ZNF407: variants seen among roughly 807,000 people sequenced by gnomAD.
ZNF407 encodes zinc finger protein 407.
ZNF407 carries 17 observed loss-of-function variants against 131.2 expected under a neutral mutation model. That is an observed-to-expected ratio of 0.13 (90% CI 0.09 to 0.19). ZNF407 has a LOEUF of 0.19. Ranked by LOEUF, ZNF407 falls within the 10% of genes least tolerant of loss-of-function variation. The pLI, the probability that ZNF407 is intolerant of heterozygous loss-of-function variation, is 1.00. For synonymous variants in ZNF407, 1,156 were observed against 1,062.0 expected (o/e 1.09, Z -1.72); for missense variants, 2,681 against 2,830.6 (o/e 0.95, Z 1.20).
chr18:74,999,497 T>C (rs1972820606), intron 8 of ZNF407, among the ~76,000 whole-genome samples: 1 of 152,112 alleles, frequency 6.6e-6, no homozygotes, highest in Admixed American at 6.5e-5. Flanking sequence ...CATAGCCACA[T>C]GGCAGAACAT....
chr18:74,938,070 T>A (rs1270739956), intron 8 of ZNF407, among the ~76,000 whole-genome samples: 8 of 152,184 alleles, frequency 5.3e-5, no homozygotes, highest in Non-Finnish European at 1.2e-4. Context: ...TGACCTCTTT[T>A]TTACCAATCC....
At chr18:74,784,071 T>A (rs1167116719) in intron 4 of ZNF407, among the ~76,000 whole-genome samples, 2 of 152,192 alleles carry the variant, frequency 1.3e-5, no homozygotes, top group African/African-American at 4.8e-5. Flanking sequence ...TTCTAGTGGT[T>A]TTAGGAAGCA....
At chr18:74,739,330 A>C (rs1438825974) in intron 3 of ZNF407, among the ~76,000 whole-genome samples, 1 of 151,922 alleles carries the variant, frequency 6.6e-6, no homozygotes, top group Non-Finnish European at 1.5e-5. Flanking sequence ...GAACGAGAAA[A>C]GGGAAAAGGG....
intron 8 of ZNF407, among the ~76,000 whole-genome samples, chr18:75,030,034 A>C (rs1340029333): frequency 6.6e-6 from 1 of 152,212 alleles, no homozygotes; most frequent in South Asian, 2.1e-4. Flanking sequence ...GCTTTTTCTA[A>C]GTATATATAG....
intron 8 of ZNF407, among the ~76,000 whole-genome samples, chr18:75,026,835 C>T (rs1351485364): frequency 1.3e-5 from 2 of 152,200 alleles, no homozygotes; most frequent in Non-Finnish European, 2.9e-5. Context: ...GTGCCCTCAG[C>T]CCTGATCAAG....
rs528808340 is a variant in ZNF407, at chr18:74,979,489, G to A, written c.5428+58797G>A. 1.3e-4 allele frequency among the ~76,000 whole-genome samples: 20 copies of A among 152,142 alleles called. No homozygotes were observed. In the East Asian group the frequency reaches 3.3e-3, roughly 25 times the overall value. ...GTATTTTTAGTAAAGACGGGGTTTCGCCATGTTGGCCAGGCTGCTCTTGAA... is the reference window on the plus strand; with the variant it reads ...GTATTTTTAGTAAAGACGGGGTTTCACCATGTTGGCCAGGCTGCTCTTGAA... On this transcript the variant is annotated intron_variant, in intron 8 of 8. Transcript: ENST00000299687.
At chr18:74,807,578 G>A (rs1970130291) in intron 4 of ZNF407, among the ~76,000 whole-genome samples, 1 of 152,128 alleles carries the variant, frequency 6.6e-6, no homozygotes, top group Admixed American at 6.5e-5. Context: ...AGTTGGACAG[G>A]ATATAATTTC....
intron 8 of ZNF407, among the ~76,000 whole-genome samples, chr18:74,993,641 G>C (rs949557989): frequency 6.6e-6 from 1 of 152,190 alleles, no homozygotes; most frequent in Admixed American, 6.5e-5. Context: ...CTTCAGTAAG[G>C]TTGGTTTTAA....
intron 3 of ZNF407, among the ~76,000 whole-genome samples, chr18:74,677,941 C>T (rs978085505): frequency 8.5e-5 from 13 of 152,132 alleles, no homozygotes; most frequent in African/African-American, 3.1e-4. Flanking sequence ...ATGCCTCAGC[C>T]TCCCAAGTAG....
chr18:74,696,782 T>C (rs1967368532), intron 3 of ZNF407, among the ~76,000 whole-genome samples: 1 of 152,190 alleles, frequency 6.6e-6, no homozygotes, highest in South Asian at 2.1e-4. Flanking sequence ...TCATGGATGC[T>C]CTTGCTTCCT....
At chr18:74,675,336 C>T (rs763861143) in intron 3 of ZNF407, among the ~76,000 whole-genome samples, 4 of 152,206 alleles carry the variant, frequency 2.6e-5, no homozygotes, top group Non-Finnish European at 5.9e-5. Context: ...TTGTCAGTCT[C>T]TCCCACTTGA....
intron 4 of ZNF407, among the ~76,000 whole-genome samples, chr18:74,843,182 T>C (rs1435270514): frequency 6.6e-6 from 1 of 152,210 alleles, no homozygotes; most frequent in African/African-American, 2.4e-5. Flanking sequence ...ATATTTCTAT[T>C]TTTTGTAGTA....
chr18:74,889,592 C>T (rs1277755175), intron 6 of ZNF407, among the ~76,000 whole-genome samples: 2 of 152,066 alleles, frequency 1.3e-5, no homozygotes, highest in Admixed American at 6.6e-5. Flanking sequence ...TTTGTAATGG[C>T]TCTGATGTAA....
At chr18:74,751,771 T>C (rs909681218) in intron 3 of ZNF407, among the ~76,000 whole-genome samples, 4 of 152,244 alleles carry the variant, frequency 2.6e-5, no homozygotes, top group African/African-American at 4.8e-5. Context: ...CAGTCTATCA[T>C]TGATGGACAT....
chr18:74,664,054 C>G (rs1985828853), intron 3 of ZNF407, among the ~76,000 whole-genome samples: 1 of 152,184 alleles, frequency 6.6e-6, no homozygotes, highest in South Asian at 2.1e-4. Flanking sequence ...ACAAGTTGGC[C>G]AGGTGCAGCT....
rs1192840668 is a variant in ZNF407, at chr18:74,889,948, A to C, written c.5159A>C (p.Asn1720Thr). 2 of 1,609,864 alleles carry C rather than the reference A, an allele frequency of 1.2e-6. No homozygotes were observed. Among genetic ancestry groups the C allele is most frequent in the South Asian group, 2.2e-5 (2 of 89,988 alleles). The change falls in exon 7 of 9, where the codon AAC becomes ACC. Residue 1720 changes from asparagine (N) to threonine (T), a missense_variant. Asn to Thr is a moderately conservative substitution (Grantham distance 65). Transcript: ENST00000299687. The stretch of plus-strand genomic sequence containing the variant: ...AAACCTTTCAAGTGCGATGAGTGTA[A>C]CTTTGCCTCCACAACTCAGTCCCAT... ...GEKPFKCDEC[N>T]FASTTQSHLT...
intron 4 of ZNF407, among the ~76,000 whole-genome samples, chr18:74,870,477 G>A (rs1388942336): frequency 1.3e-5 from 2 of 152,156 alleles, no homozygotes; most frequent in Non-Finnish European, 2.9e-5. Context: ...GTTGAATTTA[G>A]TAAATGAAAC....
At chr18:74,960,656 T>G (rs1274003074) in intron 8 of ZNF407, among the ~76,000 whole-genome samples, 5 of 114,122 alleles carry the variant, frequency 4.4e-5, no homozygotes, top group South Asian at 2.8e-4. Flanking sequence ...CCTGAGTCAG[T>G]GCTGGGTGGA....
intron 3 of ZNF407, among the ~76,000 whole-genome samples, chr18:74,710,784 A>G (rs1006570184): frequency 2.0e-5 from 3 of 152,228 alleles, no homozygotes; most frequent in African/African-American, 4.8e-5. Context: ...TCAGATCTTC[A>G]TGAGTTCCCA....
Sources: allele counts gnomAD v4.1 joint callset (sites outside exome capture counted in the v4.1 genomes callset), GRCh38; gene constraint gnomAD v4.1.1; transcripts MANE v1.5; gene names NCBI Gene and HGNC (gene_info 2026-07-23, HGNC 2026-07-21).